The following B3GALT1 variants were observed in gnomAD, a reference collection of about 807,000 sequenced individuals.
B3GALT1 encodes the protein UDP-Gal:betaGlcNAc beta 1,3-galactosyltransferase, polypeptide 1.
A neutral mutation model predicts 23.2 loss-of-function variants in B3GALT1; 10 were observed. The observed-to-expected ratio is 0.43, with a 90% confidence interval of 0.27 to 0.73. The LOEUF (loss-of-function observed/expected upper bound fraction) is 0.73, where lower values mean the gene tolerates loss of function less well. Among genes scored for constraint, B3GALT1 ranks in the 30% least tolerant of loss-of-function variants. The pLI, the probability that B3GALT1 is intolerant of heterozygous loss-of-function variation, is 0.21. For missense variants in B3GALT1, 299 were observed against 405.4 expected (o/e 0.74, Z 2.25); for synonymous variants, 156 against 141.5 (o/e 1.10, Z -0.73).
At chr2:167,419,854 T>G (rs1559090939) in intron 1 of B3GALT1, among the ~76,000 whole-genome samples, 1 of 152,190 alleles carries the variant, frequency 6.6e-6, no homozygotes, top group Non-Finnish European at 1.5e-5. Context: ...TAATATTATT[T>G]CCCAGTAGAT....
Position 167,542,072 on chromosome 2 carries a change from G to A in B3GALT1, c.-410+51795G>A, listed in dbSNP as rs552493719. 7.9e-5 allele frequency among the ~76,000 whole-genome samples: 12 copies of A among 152,058 alleles called. 1 individual carries two copies. The South Asian group carries it at 2.3e-3, about 29-fold the overall frequency. On this transcript the variant is annotated intron_variant, in intron 2 of 4. Transcript: ENST00000392690. Reference sequence around the variant, plus strand: ...GAACCTATTTATTTATTTATTACATGTGTAAATAAATCCTATTACTGTTTT... The same window carrying A: ...GAACCTATTTATTTATTTATTACATATGTAAATAAATCCTATTACTGTTTT...
intron 1 of B3GALT1, among the ~76,000 whole-genome samples, chr2:167,460,619 AT>A (rs142888333): frequency 0.011 from 1,674 of 145,974 alleles, 35 homozygotes; most frequent in African/African-American, 0.039. Flanking sequence ...GACAGTTTCT[AT>A]TTTTTTTTTC....
At chr2:167,477,977 T>C (rs1699509602) in intron 1 of B3GALT1, among the ~76,000 whole-genome samples, 1 of 152,248 alleles carries the variant, frequency 6.6e-6, no homozygotes, top group Non-Finnish European at 1.5e-5. Flanking sequence ...TATTTTGTTA[T>C]ATTTTGGGTA....
chr2:167,841,809 A>C (rs11890078), intron 4 of B3GALT1, among the ~76,000 whole-genome samples: 1 of 152,242 alleles, frequency 6.6e-6, no homozygotes, highest in Non-Finnish European at 1.5e-5. Context: ...TATTTGCCAA[A>C]TGAATATTTC....
rs61107173 is a variant in B3GALT1 at position 167,417,158 on chromosome 2, A to G, written c.-510-73019A>G. Among the ~76,000 whole-genome samples the G allele has an allele frequency of 8.3e-3, 1,267 of 152,226 alleles. 25 individuals are homozygous for G. The highest frequency in any genetic ancestry group is 0.029 in the African/African-American group (1,205 of 41,540). Reference sequence around the variant, plus strand: ...CCTTCAAAATTCATGTTGACACTCAATCCTCAATGTGGCAGTATTGAGAGG... The same window carrying G: ...CCTTCAAAATTCATGTTGACACTCAGTCCTCAATGTGGCAGTATTGAGAGG... On this transcript the variant is annotated intron_variant, in intron 1 of 4. Coordinates refer to ENST00000392690, the MANE Select transcript of B3GALT1 (RefSeq NM_020981.4).
chr2:167,524,595 C>T (rs1415293501), intron 2 of B3GALT1, among the ~76,000 whole-genome samples: 1 of 152,126 alleles, frequency 6.6e-6, no homozygotes, highest in Non-Finnish European at 1.5e-5. Context: ...TTGTGTTGAA[C>T]TCTTCAGGTT....
intron 2 of B3GALT1, among the ~76,000 whole-genome samples, chr2:167,561,684 G>A (rs1426676918): frequency 2.6e-5 from 4 of 152,140 alleles, no homozygotes; most frequent in East Asian, 1.9e-4. Flanking sequence ...ACACCTCTAC[G>A]CAAATAAAGT....
At chr2:167,612,553 A>G (rs1195133550) in intron 2 of B3GALT1, among the ~76,000 whole-genome samples, 2 of 151,952 alleles carry the variant, frequency 1.3e-5, no homozygotes, top group South Asian at 2.1e-4. Flanking sequence ...TGATTTGCAT[A>G]GGATAGGTGA....
intron 3 of B3GALT1, among the ~76,000 whole-genome samples, chr2:167,780,591 T>C (rs1184077470): frequency 6.6e-6 from 1 of 152,192 alleles, no homozygotes; most frequent in Admixed American, 6.5e-5. Context: ...ATGCACACTT[T>C]ATTGGTAAAG....
intron 1 of B3GALT1, among the ~76,000 whole-genome samples, chr2:167,335,235 G>C (rs1237765231): frequency 6.6e-6 from 1 of 151,930 alleles, no homozygotes; most frequent in Non-Finnish European, 1.5e-5. Context: ...AAAAACAGTA[G>C]TAGTACAGCT....
intron 2 of B3GALT1, among the ~76,000 whole-genome samples, chr2:167,527,703 A>G (rs932336935): frequency 3.3e-5 from 5 of 152,154 alleles, no homozygotes; most frequent in Non-Finnish European, 5.9e-5. Context: ...TACAATTTTT[A>G]AAATACTATT....
chr2:167,722,688 G>T (rs1574231157), intron 3 of B3GALT1, among the ~76,000 whole-genome samples: 1 of 152,160 alleles, frequency 6.6e-6, no homozygotes, highest in Non-Finnish European at 1.5e-5. Context: ...CGTGGTCTTT[G>T]ATAAGAGCTT....
At chr2:167,297,063 G>T (rs987600344) in intron 1 of B3GALT1, among the ~76,000 whole-genome samples, 1 of 151,892 alleles carries the variant, frequency 6.6e-6, no homozygotes, top group Non-Finnish European at 1.5e-5. Flanking sequence ...ATATGTGAGG[G>T]TTAAAGGCAA....
At chr2:167,616,427 G>C (rs58696341) in intron 2 of B3GALT1, among the ~76,000 whole-genome samples, 8 of 152,008 alleles carry the variant, frequency 5.3e-5, no homozygotes, top group African/African-American at 1.9e-4. Flanking sequence ...TGTAGGCCAG[G>C]CACGGTGGCT....
intron 1 of B3GALT1, among the ~76,000 whole-genome samples, chr2:167,381,083 G>T (rs1054928524): frequency 5.3e-5 from 8 of 151,990 alleles, no homozygotes; most frequent in Non-Finnish European, 8.8e-5. Flanking sequence ...TTGTTTATTT[G>T]TTCAGACAGG....
chr2:167,348,388 C>A (rs1028689722), intron 1 of B3GALT1, among the ~76,000 whole-genome samples: 2 of 152,070 alleles, frequency 1.3e-5, no homozygotes, highest in African/African-American at 4.8e-5. Flanking sequence ...TCTTTTTGAG[C>A]ATTACTACCT....
intron 2 of B3GALT1, among the ~76,000 whole-genome samples, chr2:167,631,277 A>G (rs980038100): frequency 2.6e-5 from 4 of 151,892 alleles, no homozygotes; most frequent in Non-Finnish European, 5.9e-5. Context: ...TGATTTGACC[A>G]TAAGGAAAAC....
At chr2:167,708,328 C>T (rs1363999260) in intron 3 of B3GALT1, among the ~76,000 whole-genome samples, 3 of 152,152 alleles carry the variant, frequency 2.0e-5, no homozygotes, top group East Asian at 1.9e-4. Flanking sequence ...GCCAGCCACC[C>T]GGCATGGTTC....
chr2:167,802,258 G>A (rs528962831), intron 3 of B3GALT1, among the ~76,000 whole-genome samples: 25 of 152,234 alleles, frequency 1.6e-4, no homozygotes, highest in Non-Finnish European at 3.1e-4. Flanking sequence ...TCAATTTGGG[G>A]GGCAGCCTCT....
Sources: allele counts gnomAD v4.1 joint callset (sites outside exome capture counted in the v4.1 genomes callset), GRCh38; gene constraint gnomAD v4.1.1; transcripts MANE v1.5; gene names NCBI Gene and HGNC (gene_info 2026-07-23, HGNC 2026-07-21).